COL26A1: variants seen among roughly 807,000 people sequenced by gnomAD.
The protein encoded by COL26A1 is collagen alpha-1(XXVI) chain.
COL26A1 carries 41 observed loss-of-function variants against 59.3 expected under a neutral mutation model. That is an observed-to-expected ratio of 0.69 (90% CI 0.54 to 0.90). COL26A1 has a LOEUF of 0.90. Among genes scored for constraint, COL26A1 ranks in the 40% least tolerant of loss-of-function variants. The pLI is 0.00. For missense variants in COL26A1, 612 were observed against 602.3 expected (o/e 1.02, Z -0.17); for synonymous variants, 266 against 256.0 (o/e 1.04, Z -0.37).
rs566030968 is a variant in COL26A1, at chr7:101,539,994, C to G, written c.549C>G (p.Asp183Glu). 3.7e-6 allele frequency: 6 copies of G among 1,613,496 alleles called. No individual in the cohort carries two copies. The East Asian group carries it at 1.1e-4, about 30-fold the overall frequency. Residue 183 changes from aspartate to glutamate, a missense_variant, in exon 5 of 13, where the codon GAC becomes GAG. By Grantham distance (45) the Asp-to-Glu change is conservative. Coordinates refer to ENST00000313669, the MANE Select transcript of COL26A1 (RefSeq NM_001278563.3). ...PPTWNEDFLP[D>E]AIPLAHPVPR... is the part of the protein sequence containing the mutation. ...CCTGGAATGAGGACTTCCTCCCCGA[C>G]GCCATCCCTCTTGCTCACCCTGTGC...
At chr7:101,499,879 T>TAAA (rs35539371) in intron 3 of COL26A1, among the ~76,000 whole-genome samples, 31 of 79,706 alleles carry the variant, frequency 3.9e-4, no homozygotes, top group Non-Finnish European at 5.1e-4. Flanking sequence ...GTCCCTGCCT[T>TAAA]AAAAAAAAAA....
chr7:101,509,088 C>CCGA (rs1794869392), intron 3 of COL26A1, among the ~76,000 whole-genome samples: 1 of 152,080 alleles, frequency 6.6e-6, no homozygotes, highest in Non-Finnish European at 1.5e-5. Flanking sequence ...GAAGGGGGAG[C>CCGA]TGATGCGTCG....
At chr7:101,538,375 T>C (rs1426506614) in intron 4 of COL26A1, among the ~76,000 whole-genome samples, 1 of 152,238 alleles carries the variant, frequency 6.6e-6, no homozygotes, top group Non-Finnish European at 1.5e-5. Flanking sequence ...GTTGGGAGGA[T>C]AAACTGTGGT....
intron 1 of COL26A1, among the ~76,000 whole-genome samples, chr7:101,364,378 T>C (rs1790991270): frequency 6.6e-6 from 1 of 152,086 alleles, no homozygotes; most frequent in Admixed American, 6.6e-5. Context: ...CTCAACTCTG[T>C]TGCCCAGGCT....
intron 3 of COL26A1, among the ~76,000 whole-genome samples, chr7:101,467,765 G>C (rs962553448): frequency 1.3e-5 from 2 of 152,104 alleles, no homozygotes; most frequent in African/African-American, 4.8e-5. Flanking sequence ...TACTTGGGAG[G>C]CTGAGGCAGC....
intron 1 of COL26A1, among the ~76,000 whole-genome samples, chr7:101,396,227 C>G (rs1479632541): frequency 1.3e-5 from 2 of 152,100 alleles, no homozygotes; most frequent in African/African-American, 4.8e-5. Flanking sequence ...GAGATCGCAC[C>G]ACTGCACTCC....
rs35060753 is a variant in COL26A1, at chr7:101,493,932, C to CA, written c.386-39134dup. The stretch of plus-strand genomic sequence containing the variant: ...TGGGCAACAGAGCGAGACTCTGTCT[C>CA]AAAAAAAAAAAAAAAATACAGAATG... On this transcript the variant is annotated intron_variant, in intron 3 of 12. Transcript: ENST00000313669. Among the ~76,000 whole-genome samples, 371 of 120,200 alleles carry CA rather than the reference C, an allele frequency of 3.1e-3. 1 individual carries two copies. The highest frequency in any genetic ancestry group is 0.022 in the East Asian group (70 of 3,218). The allele number at this position is 120,200 out of a possible 152,430, so 78.9% of individuals were successfully genotyped here.
intron 3 of COL26A1, among the ~76,000 whole-genome samples, chr7:101,461,986 C>A (rs1793624321): frequency 1.4e-5 from 2 of 146,674 alleles, no homozygotes; most frequent in Admixed American, 1.4e-4. Context: ...GGCTGTCTAT[C>A]CACGGAGCAC....
At chr7:101,366,138 A>G (rs6958770) in intron 1 of COL26A1, among the ~76,000 whole-genome samples, 88,242 of 152,120 alleles carry the variant, frequency 0.58, 27,175 homozygotes, top group African/African-American at 0.8. Context: ...CTTGGGGCAC[A>G]TTGATATTCC....
In COL26A1 at chr7:101,362,923, G is replaced by C; in HGVS notation, c.-110G>C. 1 of 1,166,138 alleles carries C rather than the reference G, an allele frequency of 8.6e-7. No individual in the cohort carries two copies. 72.2% of individuals were successfully genotyped at this position (1,166,138 alleles called of 1,614,324 possible). ...CACCCGGGCTCCGACCGCTCGCCCC[G>C]CTCCTCTCGCTGTGCTCCCGGCCGG... On this transcript the variant is annotated 5_prime_UTR_variant, in exon 1 of 13. Transcript: ENST00000313669.
At chr7:101,545,631 C>T (rs979094207) in intron 7 of COL26A1, 141 bp downstream of exon 7, 3 of 831,582 alleles carry the variant, frequency 3.6e-6, no homozygotes, top group Non-Finnish European at 5.3e-6. Flanking sequence ...CTCCTGCAGG[C>T]CTCCTCCAGG....
intron 4 of COL26A1, 95 bp downstream of exon 4, chr7:101,533,238 AT>A: frequency 4.4e-6 from 4 of 917,214 alleles, no homozygotes; most frequent in Non-Finnish European, 6.8e-6. Flanking sequence ...TGGCCGTGGA[AT>A]TCCCAGCCCC....
At chr7:101,426,972 A>G (rs1264807820) in intron 2 of COL26A1, among the ~76,000 whole-genome samples, 1 of 152,158 alleles carries the variant, frequency 6.6e-6, no homozygotes. Context: ...CTGCCTGCTC[A>G]GTGTGTCTTG....
At chr7:101,548,563 A>G (rs1795788402) in intron 8 of COL26A1, among the ~76,000 whole-genome samples, 1 of 152,010 alleles carries the variant, frequency 6.6e-6, no homozygotes, top group African/African-American at 2.4e-5. Flanking sequence ...CTGGTAGGAA[A>G]ACCAGTAGGA....
At position 101,530,397 on chromosome 7, in the gene COL26A1, C is replaced by T. The variant is rs557339198; in HGVS notation, c.386-2685C>T. ...CAGCCTGGGCAACATGGTAAAACCC[C>T]GTCTCTACTAAAAATACACAACTAG... On this transcript the variant is annotated intron_variant, in intron 3 of 12. Coordinates refer to ENST00000313669, the MANE Select transcript of COL26A1 (RefSeq NM_001278563.3). Among the ~76,000 whole-genome samples, 58 of 151,474 alleles carry T rather than the reference C, an allele frequency of 3.8e-4. No homozygotes were observed. The South Asian group carries it at 0.011, about 29-fold the overall frequency.
At chr7:101,446,165 G>C (rs1006835291) in intron 2 of COL26A1, among the ~76,000 whole-genome samples, 4 of 151,782 alleles carry the variant, frequency 2.6e-5, no homozygotes, top group Admixed American at 2.0e-4. Context: ...GATGGTGCTA[G>C]ACCATTCATG....
intron 1 of COL26A1, among the ~76,000 whole-genome samples, chr7:101,376,184 T>C (rs1791315302): frequency 6.8e-6 from 1 of 147,908 alleles, no homozygotes. Flanking sequence ...TGGTGTTGAA[T>C]GCTTATAGTC....
intron 3 of COL26A1, among the ~76,000 whole-genome samples, chr7:101,461,971 G>T (rs1160907859): frequency 6.6e-6 from 1 of 151,220 alleles, no homozygotes; most frequent in East Asian, 1.9e-4. Context: ...GAGTAGAGAT[G>T]GATGGGCTGT....
chr7:101,427,660 T>TAA (rs35360228), intron 2 of COL26A1, among the ~76,000 whole-genome samples: 85,309 of 147,090 alleles, frequency 0.58, 24,561 homozygotes, highest in Admixed American at 0.64. Context: ...AACTGTTTCT[T>TAA]AAAAAAAAAA....
Sources: gnomAD v4.1 joint callset for allele counts (sites outside exome capture counted in the v4.1 genomes callset) on GRCh38, gnomAD v4.1.1 for gene constraint, MANE v1.5 for transcripts, NCBI Gene and HGNC (gene_info 2026-07-23, HGNC 2026-07-21) for gene names.